HCN1: variants seen among roughly 807,000 people sequenced by gnomAD.
HCN1 encodes the protein potassium/sodium hyperpolarization-activated cyclic nucleotide-gated channel 1.
In HCN1, 13 loss-of-function variants were observed where a neutral mutation model predicts 78.9. That is an observed-to-expected ratio of 0.16 (90% CI 0.11 to 0.26). The LOEUF (loss-of-function observed/expected upper bound fraction) is 0.26, where lower values mean the gene tolerates loss of function less well. HCN1 is among the 10% of genes least tolerant of loss of function. The pLI is 1.00. For synonymous variants in HCN1, 552 were observed against 455.5 expected (o/e 1.21, Z -2.70); for missense variants, 810 against 1,154.3 (o/e 0.70, Z 4.32).
chr5:45,578,914 G>A (rs1744001163), intron 2 of HCN1, among the ~76,000 whole-genome samples: 3 of 152,002 alleles, frequency 2.0e-5, no homozygotes. Context: ...CCTGTTATAT[G>A]TCTACTATAC....
At chr5:45,612,843 T>C (rs902786109) in intron 2 of HCN1, among the ~76,000 whole-genome samples, 4 of 152,144 alleles carry the variant, frequency 2.6e-5, no homozygotes, top group African/African-American at 9.7e-5. Context: ...CTCCCAATTA[T>C]TGTATTCCAG....
At chr5:45,666,701 T>C (rs2112069207) in intron 1 of HCN1, among the ~76,000 whole-genome samples, 1 of 152,198 alleles carries the variant, frequency 6.6e-6, no homozygotes, top group Admixed American at 6.5e-5. Context: ...CTTCCCATTA[T>C]ATTATATCAC....
chr5:45,424,333 AAAC>A (rs569199029), intron 3 of HCN1, among the ~76,000 whole-genome samples: 16 of 151,992 alleles, frequency 1.1e-4, no homozygotes, highest in Admixed American at 3.3e-4. Flanking sequence ...AAAAAAATAA[AAAC>A]AACAACAACT....
intron 3 of HCN1, among the ~76,000 whole-genome samples, chr5:45,407,509 G>A (rs1477511112): frequency 2.0e-5 from 3 of 151,804 alleles, no homozygotes; most frequent in Non-Finnish European, 2.9e-5. Flanking sequence ...AGGAGGCATC[G>A]CAGAGAGGCT....
Position 45,451,982 on chromosome 5 carries a change from A to G in HCN1, c.1011+9864T>C, listed in dbSNP as rs73101227. On this transcript the variant is annotated intron_variant, in intron 3 of 7. Transcript: ENST00000303230. ...AGATATTATAAATAATATTCATTCT[A>G]TATTTAGAATATAATTAGAGACCAT... Among the ~76,000 whole-genome samples the G allele has an allele frequency of 1.6e-3, 243 of 152,094 alleles. 3 individuals are homozygous for G. The highest frequency in any genetic ancestry group is 5.8e-3 in the African/African-American group (240 of 41,546).
At chr5:45,373,012 A>AAT (rs1300111876) in intron 4 of HCN1, among the ~76,000 whole-genome samples, 2 of 138,272 alleles carry the variant, frequency 1.4e-5, no homozygotes, top group Non-Finnish European at 3.1e-5. Context: ...AATTATATAA[A>AAT]ATATATATAT....
At chr5:45,375,337 CAATATATATAATATAATATTTTATGATAT>C (rs1747599624) in intron 4 of HCN1, among the ~76,000 whole-genome samples, 3 of 118,108 alleles carry the variant, frequency 2.5e-5, no homozygotes, top group African/African-American at 9.9e-5. Flanking sequence ...TTATGATATA[CAATATATATAATATAATATTTTATGATAT>C]ACAATATATA....
chr5:45,667,497 T>G (rs1285032377), intron 1 of HCN1, among the ~76,000 whole-genome samples: 1 of 151,974 alleles, frequency 6.6e-6, no homozygotes, highest in Non-Finnish European at 1.5e-5. Flanking sequence ...AAGTAATGAG[T>G]TGAAAAACAT....
chr5:45,349,793 C>T (rs188289300), intron 5 of HCN1, among the ~76,000 whole-genome samples: 51 of 152,050 alleles, frequency 3.4e-4, no homozygotes, highest in African/African-American at 1.1e-3. Flanking sequence ...AAAGATTTCT[C>T]GACACATACA....
intron 1 of HCN1, among the ~76,000 whole-genome samples, chr5:45,671,212 T>C (rs1325635540): frequency 1.3e-5 from 2 of 151,444 alleles, no homozygotes; most frequent in East Asian, 3.9e-4. Flanking sequence ...GCCTGTTCTC[T>C]CCAAACTCCA....
intron 5 of HCN1, among the ~76,000 whole-genome samples, chr5:45,337,487 C>G (rs1187545986): frequency 6.6e-6 from 1 of 152,122 alleles, no homozygotes; most frequent in Non-Finnish European, 1.5e-5. Context: ...AAAATGCTGT[C>G]TCTAAGCTTT....
rs145667243 is a variant in HCN1 at position 45,562,727 on chromosome 5, T to G, written c.849+82458A>C. On this transcript the variant is annotated intron_variant, in intron 2 of 7. Transcript: ENST00000303230. ...AGTGATAAAAAGACTAAAACCAGAA[T>G]TGCCACTTTTTCTTTCTACACGTCA... 5.2e-3 allele frequency among the ~76,000 whole-genome samples: 785 copies of G among 152,222 alleles called. 10 individuals carry two copies. Among genetic ancestry groups the G allele is most frequent in the African/African-American group, 0.017 (699 of 41,548 alleles).
At chr5:45,356,511 T>C (rs1747009964) in intron 4 of HCN1, among the ~76,000 whole-genome samples, 1 of 151,978 alleles carries the variant, frequency 6.6e-6, no homozygotes, top group Admixed American at 6.6e-5. Flanking sequence ...TTAATCCATA[T>C]CACTAAGCAA....
chr5:45,286,896 G>A (rs1745279577), intron 6 of HCN1, among the ~76,000 whole-genome samples: 1 of 151,856 alleles, frequency 6.6e-6, no homozygotes, highest in South Asian at 2.1e-4. Flanking sequence ...GTGACTAAAT[G>A]TTTTCTACTT....
At chr5:45,264,654 T>C (rs1744817552) in intron 7 of HCN1, among the ~76,000 whole-genome samples, 1 of 152,220 alleles carries the variant, frequency 6.6e-6, no homozygotes, top group Non-Finnish European at 1.5e-5. Flanking sequence ...GCATATTTGC[T>C]TAACTAACTG....
At chr5:45,521,228 T>G (rs1477699257) in intron 2 of HCN1, among the ~76,000 whole-genome samples, 1 of 151,812 alleles carries the variant, frequency 6.6e-6, no homozygotes, top group African/African-American at 2.4e-5. Context: ...AAACAAAGGC[T>G]CTGAACTCCC....
chr5:45,429,620 A>G (rs1740423322), intron 3 of HCN1, among the ~76,000 whole-genome samples: 1 of 152,224 alleles, frequency 6.6e-6, no homozygotes, highest in African/African-American at 2.4e-5. Flanking sequence ...AATAAACTGG[A>G]AAGCTATGAA....
intron 4 of HCN1, among the ~76,000 whole-genome samples, chr5:45,376,148 T>C (rs1170307610): frequency 1.8e-5 from 2 of 109,028 alleles, no homozygotes; most frequent in African/African-American, 7.7e-5. Context: ...ATATATTATA[T>C]ATAATATAAT....
intron 2 of HCN1, among the ~76,000 whole-genome samples, chr5:45,604,180 C>G (rs1744680511): frequency 6.6e-6 from 1 of 152,064 alleles, no homozygotes; most frequent in East Asian, 1.9e-4. Flanking sequence ...TCTAAGTGGT[C>G]AGACCAAACA....
Sources: allele counts gnomAD v4.1 joint callset (sites outside exome capture counted in the v4.1 genomes callset), GRCh38; gene constraint gnomAD v4.1.1; transcripts MANE v1.5; gene names NCBI Gene and HGNC (gene_info 2026-07-23, HGNC 2026-07-21).